The following ZCWPW2 variants were observed in gnomAD, a reference collection of about 807,000 sequenced individuals.
ZCWPW2 encodes zinc finger CW-type PWWP domain protein 2.
A neutral mutation model predicts 46.6 loss-of-function variants in ZCWPW2; 45 were observed. The ratio of observed to expected loss-of-function variants is 0.96; its 90% CI spans 0.76 to 1.24. The LOEUF (loss-of-function observed/expected upper bound fraction) is 1.24. Among genes scored for constraint, ZCWPW2 ranks in the 50% most tolerant of loss-of-function variants. The pLI is 0.00. For synonymous variants in ZCWPW2, 152 were observed against 137.1 expected, an observed-to-expected ratio of 1.11 and a Z score of -0.76; for missense variants, 429 against 403.9, an observed-to-expected ratio of 1.06 and a Z score of -0.53.
chr3:28,385,151 G>A (rs774738958), intron 1 of ZCWPW2, among the ~76,000 whole-genome samples: 6 of 152,096 alleles, frequency 3.9e-5, no homozygotes, highest in East Asian at 1.9e-4. Context: ...GTGGCATGTC[G>A]TGAAAACAAG....
At chr3:28,425,467 G>T (rs910283950) in intron 3 of ZCWPW2, among the ~76,000 whole-genome samples, 11 of 152,138 alleles carry the variant, frequency 7.2e-5, no homozygotes, top group Non-Finnish European at 1.2e-4. Flanking sequence ...AGATGTTGAA[G>T]CTCCAAGTGG....
Position 28,425,881 on chromosome 3 carries a change from G to A in ZCWPW2, c.333-9229G>A, listed in dbSNP as rs369459580. 1.4e-3 allele frequency among the ~76,000 whole-genome samples: 220 copies of A among 152,162 alleles called. 5 individuals are homozygous for A. In the South Asian group the frequency reaches 0.028, roughly 20 times the overall value. ...TCCCAGCACTTTGGGAGGCCAAGGCGGGAGGATCACCTGAGGTTGGGAGTT... is the reference window on the plus strand; with the variant it reads ...TCCCAGCACTTTGGGAGGCCAAGGCAGGAGGATCACCTGAGGTTGGGAGTT... On this transcript the variant is annotated intron_variant, in intron 3 of 9. Coordinates refer to ENST00000383768, the MANE Select transcript of ZCWPW2 (RefSeq NM_001040432.4).
At chr3:28,428,605 A>T (rs942851928) in intron 3 of ZCWPW2, among the ~76,000 whole-genome samples, 1 of 152,168 alleles carries the variant, frequency 6.6e-6, no homozygotes, top group Admixed American at 6.5e-5. Flanking sequence ...TATGATCAGT[A>T]ATGACACAAT....
chr3:28,429,130 T>C (rs1340945116), intron 3 of ZCWPW2, among the ~76,000 whole-genome samples: 2 of 152,174 alleles, frequency 1.3e-5, no homozygotes, highest in African/African-American at 4.8e-5. Context: ...GTGGGAAAGT[T>C]TGGAACTTCC....
chr3:28,511,885 CTTT>C (rs1252527286), intron 6 of ZCWPW2, among the ~76,000 whole-genome samples: 4 of 152,094 alleles, frequency 2.6e-5, no homozygotes, highest in African/African-American at 9.7e-5. Context: ...AAAGTTCTAT[CTTT>C]TTAGTTCTCA....
intron 1 of ZCWPW2, among the ~76,000 whole-genome samples, chr3:28,359,220 A>T (rs1302602143): frequency 6.6e-6 from 1 of 152,160 alleles, no homozygotes; most frequent in African/African-American, 2.4e-5. Context: ...ATTTATTAGT[A>T]ACAGAAATAG....
intron 3 of ZCWPW2, among the ~76,000 whole-genome samples, chr3:28,433,702 GC>G (rs1241410106): frequency 1.6e-4 from 24 of 147,888 alleles, no homozygotes; most frequent in African/African-American, 5.2e-4. Flanking sequence ...GCTGCGGTGA[GC>G]CGAGATCACA....
At position 28,362,697 on chromosome 3, in the gene ZCWPW2, G is replaced by A. The variant is rs142142290; in HGVS notation, c.-134+13494G>A. 2.6e-3 allele frequency among the ~76,000 whole-genome samples: 394 copies of A among 152,228 alleles called. 1 individual carries two copies. The highest frequency in any genetic ancestry group is 8.5e-3 in the African/African-American group (352 of 41,528). Reference sequence around the variant, plus strand: ...TCAAAGAACTGAAAATAGAACTACTGTTTAACCTAGCAATCTCATTTCATA... The same window carrying A: ...TCAAAGAACTGAAAATAGAACTACTATTTAACCTAGCAATCTCATTTCATA... On this transcript the variant is annotated intron_variant, in intron 1 of 9. Transcript: ENST00000383768.
intron 4 of ZCWPW2, chr3:28,461,685 T>C (rs1698644338): frequency 6.6e-6 from 1 of 152,166 alleles, no homozygotes; most frequent in Non-Finnish European, 1.5e-5. Flanking sequence ...TTATTTGAAA[T>C]TCTTCTAGGT....
intron 2 of ZCWPW2, among the ~76,000 whole-genome samples, 179 bp from the exon 3 acceptor site, chr3:28,412,877 T>C (rs1696458727): frequency 1.3e-5 from 2 of 152,226 alleles, no homozygotes; most frequent in African/African-American, 4.8e-5. Flanking sequence ...GTTTCTATTT[T>C]GTTCCTTTAT....
At chr3:28,514,215 A>G in intron 7 of ZCWPW2, 93 bp downstream of exon 7, 1 of 814,148 alleles carries the variant, frequency 1.2e-6, no homozygotes, top group Non-Finnish European at 1.7e-6. Context: ...CCTAAACAAC[A>G]TCTTTACGTC....
intron 1 of ZCWPW2, among the ~76,000 whole-genome samples, chr3:28,357,161 A>G (rs1476719380): frequency 1.3e-5 from 2 of 152,208 alleles, no homozygotes; most frequent in Non-Finnish European, 2.9e-5. Context: ...AAAAACCAGG[A>G]AGACAAAGCA....
At chr3:28,397,545 C>T (rs1021299768) in intron 2 of ZCWPW2, among the ~76,000 whole-genome samples, 33 of 152,218 alleles carry the variant, frequency 2.2e-4, no homozygotes, top group Admixed American at 6.5e-4. Context: ...TGGCAAGCAC[C>T]TGTAGTCTCA....
intron 3 of ZCWPW2, among the ~76,000 whole-genome samples, chr3:28,414,726 C>T (rs1489905031): frequency 1.1e-5 from 1 of 87,410 alleles, no homozygotes; most frequent in Non-Finnish European, 2.2e-5. Flanking sequence ...TTTGTCCTTG[C>T]GAAAGTTTGC....
At chr3:28,373,226 A>G (rs527927474) in intron 1 of ZCWPW2, among the ~76,000 whole-genome samples, 1 of 152,260 alleles carries the variant, frequency 6.6e-6, no homozygotes, top group East Asian at 1.9e-4. Flanking sequence ...TTGGAGGGAC[A>G]TCTATGCTCT....
At chr3:28,499,842 T>C (rs1490202726) in intron 6 of ZCWPW2, among the ~76,000 whole-genome samples, 1 of 152,072 alleles carries the variant, frequency 6.6e-6, no homozygotes, top group Non-Finnish European at 1.5e-5. Context: ...CATAGACACT[T>C]ATTAGTTATT....
chr3:28,417,034 A>G (rs572346102), intron 3 of ZCWPW2, among the ~76,000 whole-genome samples: 3 of 149,958 alleles, frequency 2.0e-5, no homozygotes, highest in African/African-American at 4.9e-5. Flanking sequence ...GCCTCATAAA[A>G]TGAGTTAGGC....
rs1695047792 is a variant in ZCWPW2, at chr3:28,380,970, ATTTG to A, written c.-133-9527_-133-9524del. Among the ~76,000 whole-genome samples the A allele has an allele frequency of 1.4e-3, 20 of 14,464 alleles. 6 individuals are homozygous for A. The highest frequency in any genetic ancestry group is 6.8e-3 in the Admixed American group (7 of 1,036). 9.5% of individuals were successfully genotyped at this position (14,464 alleles called of 152,430 possible). On this transcript the variant is annotated intron_variant, in intron 1 of 9. Transcript: ENST00000383768. ...TATATATATATATATATATATATAT[ATTTG>A]GTATATATATATATATATATATTTG...
intron 4 of ZCWPW2, among the ~76,000 whole-genome samples, chr3:28,439,163 A>ATATG (rs200448668): frequency 4.1e-5 from 6 of 147,498 alleles, no homozygotes; most frequent in African/African-American, 1.5e-4. Flanking sequence ...ATATATATAT[A>ATATG]CCTACATATA....
Sources: gnomAD v4.1 joint callset for allele counts (sites outside exome capture counted in the v4.1 genomes callset) on GRCh38, gnomAD v4.1.1 for gene constraint, MANE v1.5 for transcripts, NCBI Gene and HGNC (gene_info 2026-07-23, HGNC 2026-07-21) for gene names.